AQP9: variants seen among roughly 807,000 people sequenced by gnomAD.
AQP9 encodes aquaporin 9, also known as aquaporin-9.
Under a neutral mutation model 23.8 loss-of-function variants are expected in AQP9, and 19 were observed. The ratio of observed to expected loss-of-function variants is 0.80; its 90% CI spans 0.56 to 1.17. The LOEUF (loss-of-function observed/expected upper bound fraction) is 1.17, where lower values mean the gene tolerates loss of function less well. Ranked by LOEUF, AQP9 falls within the 50% of genes most tolerant of loss-of-function variation. The probability of loss-of-function intolerance (pLI) is 0.00; values close to 1 mark genes in which losing one functional copy is unlikely to be tolerated. For synonymous variants in AQP9, 153 were observed against 131.5 expected, an observed-to-expected ratio of 1.16 and a Z score of -1.12; for missense variants, 413 against 362.0, an observed-to-expected ratio of 1.14 and a Z score of -1.14.
chr15:58,166,879 C>T, intron 2 of AQP9, 80 bp downstream of exon 2: 1 of 1,453,706 alleles, frequency 6.9e-7, no homozygotes, highest in South Asian at 1.5e-5. Context: ...CTTCACATAC[C>T]TTAATTTACT....
intron 1 of AQP9, chr15:58,154,828 G>A (rs567043994): frequency 6.6e-6 from 1 of 152,388 alleles, no homozygotes; most frequent in South Asian, 2.1e-4. Context: ...AGACAGTTTC[G>A]AAGAAAAACC....
intron 1 of AQP9, among the ~76,000 whole-genome samples, chr15:58,159,723 T>C (rs1237633360): frequency 6.6e-6 from 1 of 152,186 alleles, no homozygotes; most frequent in Non-Finnish European, 1.5e-5. Flanking sequence ...AGATCCACTT[T>C]TTTAGCTCTC....
At position 58,177,418 on chromosome 15, in the gene AQP9, G is replaced by A. The variant is rs898212847; in HGVS notation, c.496-1710G>A. 5.3e-5 allele frequency among the ~76,000 whole-genome samples: 8 copies of A among 152,200 alleles called. No homozygotes were observed. The East Asian group carries it at 1.5e-3, about 29-fold the overall frequency. ...GTCAGAATGTCATGGAAGCCCAGAG[G>A]AGGGAGCTTTTACTCTGCAAGAGAG... On this transcript the variant is annotated intron_variant, in intron 4 of 5. Coordinates refer to ENST00000219919, the MANE Select transcript of AQP9 (RefSeq NM_020980.5).
At chr15:58,172,464 G>T (rs1471848877) in intron 2 of AQP9, among the ~76,000 whole-genome samples, 1 of 152,210 alleles carries the variant, frequency 6.6e-6, no homozygotes, top group Non-Finnish European at 1.5e-5. Context: ...TCAGGAAAGG[G>T]TTGCTACATT....
At chr15:58,149,939 C>G (rs1898116445) in intron 1 of AQP9, among the ~76,000 whole-genome samples, 1 of 152,222 alleles carries the variant, frequency 6.6e-6, no homozygotes. Context: ...ATGGTAGCCA[C>G]AGATGCTTTC....
At chr15:58,160,057 G>A (rs1306489716) in intron 1 of AQP9, among the ~76,000 whole-genome samples, 1 of 152,132 alleles carries the variant, frequency 6.6e-6, no homozygotes, top group African/African-American at 2.4e-5. Flanking sequence ...TGGCAGTCCT[G>A]TTTTTAGTTT....
At position 58,184,801 on chromosome 15, in the gene AQP9, A is replaced by C. The variant is rs1898982084; in HGVS notation, c.*666A>C. The C allele has an allele frequency of 6.6e-6, 1 of 152,254 alleles. No homozygotes were observed. The highest frequency in any genetic ancestry group is 1.5e-5 in the Non-Finnish European group (1 of 68,050). The allele number at this position is 152,254 out of a possible 1,614,324, so 9.4% of individuals were successfully genotyped here. On this transcript the variant is annotated 3_prime_UTR_variant, in exon 6 of 6. Coordinates refer to ENST00000219919, the MANE Select transcript of AQP9 (RefSeq NM_020980.5). ...ATGGAATTTTTAATGGAAACCATTT[A>C]TCAGATTAATCTCTTGCTCTCCTGC...
At chr15:58,156,742 T>C (rs1158528664) in intron 1 of AQP9, among the ~76,000 whole-genome samples, 2 of 152,196 alleles carry the variant, frequency 1.3e-5, no homozygotes, top group Non-Finnish European at 2.9e-5. Context: ...CCATGTTGCA[T>C]GGAACTGGCC....
At chr15:58,169,824 T>C (rs73426183) in intron 2 of AQP9, among the ~76,000 whole-genome samples, 3,724 of 152,290 alleles carry the variant, frequency 0.024, 161 homozygotes, top group African/African-American at 0.085. Context: ...CTAATGGCAA[T>C]TGCTATTGAT....
At chr15:58,177,846 C>A (rs1434833081) in intron 4 of AQP9, among the ~76,000 whole-genome samples, 1 of 152,164 alleles carries the variant, frequency 6.6e-6, no homozygotes, top group East Asian at 1.9e-4. Flanking sequence ...TTGGCCAATT[C>A]AAATACCTAT....
chr15:58,183,157 T>C (rs536998388), intron 5 of AQP9, among the ~76,000 whole-genome samples: 1 of 152,320 alleles, frequency 6.6e-6, no homozygotes, highest in Admixed American at 6.5e-5. Context: ...TCCTGAAGTT[T>C]TGTGTTTTCC....
chr15:58,144,799 A>G (rs1222687137), intron 1 of AQP9, among the ~76,000 whole-genome samples: 1 of 151,590 alleles, frequency 6.6e-6, no homozygotes, highest in Non-Finnish European at 1.5e-5. Flanking sequence ...GCGGATCAAG[A>G]GGTCAGGAGT....
At chr15:58,147,458 T>C (rs1190775241) in intron 1 of AQP9, among the ~76,000 whole-genome samples, 1 of 152,180 alleles carries the variant, frequency 6.6e-6, no homozygotes, top group African/African-American at 2.4e-5. Flanking sequence ...ATTTCATGTC[T>C]GGGGCAGGAT....
intron 4 of AQP9, among the ~76,000 whole-genome samples, chr15:58,176,535 G>A (rs1026341038): frequency 6.6e-5 from 10 of 151,470 alleles, no homozygotes; most frequent in East Asian, 1.9e-4. Context: ...GGAGTATAGC[G>A]ACCATATTAT....
At chr15:58,142,645 C>T (rs1301714519) in intron 1 of AQP9, among the ~76,000 whole-genome samples, 1 of 152,184 alleles carries the variant, frequency 6.6e-6, no homozygotes, top group Non-Finnish European at 1.5e-5. Flanking sequence ...TTTCTGTTTT[C>T]TAGCTTTTCC....
In AQP9 at chr15:58,163,128, T is replaced by C. The variant is rs1021633703; in HGVS notation, c.112-3545T>C. ...AGAAGAGAAGGCTTGGTGAAGCTAT[T>C]GAGAGAACATGAATAAAAGATTAAT... On this transcript the variant is annotated intron_variant, in intron 1 of 5. Coordinates refer to ENST00000219919, the MANE Select transcript of AQP9 (RefSeq NM_020980.5). Among the ~76,000 whole-genome samples the C allele has an allele frequency of 1.4e-4, 22 of 152,238 alleles. 1 individual carries two copies. Among genetic ancestry groups the C allele is most frequent in the Admixed American group, 7.8e-4 (12 of 15,302 alleles).
rs114699306 is a variant in AQP9, at chr15:58,180,259, G to A, written c.713+914G>A. Among the ~76,000 whole-genome samples, 227 of 152,344 alleles carry A rather than the reference G, an allele frequency of 1.5e-3. 1 individual carries two copies. Among genetic ancestry groups the A allele is most frequent in the African/African-American group, 5.1e-3 (210 of 41,564 alleles). ...CCATGGAGAAAAGTAGGAAAAACATGTGTGAGCAAATTCTACTTTAATGTT... is the reference window on the plus strand; with the variant it reads ...CCATGGAGAAAAGTAGGAAAAACATATGTGAGCAAATTCTACTTTAATGTT... On this transcript the variant is annotated intron_variant, in intron 5 of 5. Coordinates refer to ENST00000219919, the MANE Select transcript of AQP9 (RefSeq NM_020980.5).
At chr15:58,177,359 T>C (rs1177233602) in intron 4 of AQP9, among the ~76,000 whole-genome samples, 3 of 152,196 alleles carry the variant, frequency 2.0e-5, no homozygotes, top group Non-Finnish European at 1.5e-5. Context: ...TAGATACTCT[T>C]TTGCAGAGTG....
intron 1 of AQP9, chr15:58,151,585 GA>G (rs1898150814): frequency 6.6e-6 from 1 of 151,572 alleles, no homozygotes; most frequent in Non-Finnish European, 1.5e-5. Flanking sequence ...CACCCCCACA[GA>G]AAAAACTCTG....
Sources: gnomAD v4.1 joint callset for allele counts (sites outside exome capture counted in the v4.1 genomes callset) on GRCh38, gnomAD v4.1.1 for gene constraint, MANE v1.5 for transcripts, NCBI Gene and HGNC (gene_info 2026-07-23, HGNC 2026-07-21) for gene names.